Variants in MRPL4 observed in about 807,000 individuals in gnomAD.
MRPL4 encodes mitochondrial ribosomal protein L4.
MRPL4 carries 34 observed loss-of-function variants against 34.1 expected under a neutral mutation model. The observed-to-expected ratio is 1.00, with a 90% CI of 0.76 to 1.33. The LOEUF is 1.33. Among genes scored for constraint, MRPL4 ranks in the 40% most tolerant of loss-of-function variants. The pLI, the probability that MRPL4 is intolerant of heterozygous loss-of-function variation, is 0.00. For missense variants in MRPL4, 402 were observed against 434.6 expected (o/e 0.92, Z 0.67); for synonymous variants, 196 against 188.3 (o/e 1.04, Z -0.33).
chr19:10,254,478 G>T (rs1308351217), intron 3 of MRPL4, 111 bp from the exon 4 acceptor site: 2 of 1,260,648 alleles, frequency 1.6e-6, no homozygotes, highest in African/African-American at 3.0e-5. Context: ...AGGGGCAGAG[G>T]CAAATCGCCC....
At chr19:10,252,210 C>A, upstream of MRPL4, 3 of 1,547,408 alleles carry the variant, frequency 1.9e-6, no homozygotes, top group Non-Finnish European at 2.6e-6. Flanking sequence ...CCTCGCGAGG[C>A]TCCAGTGGCC....
rs2145471745 is a variant in MRPL4 at position 10,256,966 on chromosome 19, G to A, written c.445+141G>A. ...TCCACCTCATGGAACCACCTGGGCT[G>A]GTGACATCGGAACTGAGGCCCTTGG... On this transcript the variant is annotated intron_variant, in intron 5 of 8. Coordinates refer to ENST00000253099, the MANE Select transcript of MRPL4 (RefSeq NM_015956.3). 5 of 650,626 alleles carry A rather than the reference G, an allele frequency of 7.7e-6. No individual in the cohort carries two copies. The South Asian group carries it at 9.8e-5, about 13-fold the overall frequency. 40.3% of individuals were successfully genotyped at this position (650,626 alleles called of 1,614,324 possible).
intron 4 of MRPL4, 78 bp from the exon 5 acceptor site, chr19:10,256,630 C>T: frequency 8.2e-7 from 1 of 1,218,650 alleles, no homozygotes; most frequent in Non-Finnish European, 1.2e-6. Context: ...TGTCTGACTT[C>T]CCCGTGGCAG....
Position 10,257,814 on chromosome 19 carries a change from G to A in MRPL4, c.446-408G>A, listed in dbSNP as rs540950258. On this transcript the variant is annotated intron_variant, in intron 5 of 8. Coordinates refer to ENST00000253099, the MANE Select transcript of MRPL4 (RefSeq NM_015956.3). ...ACCATAACTCATGGTGTCCTATGGG[G>A]CAGGAACTGTCCGATCTCAAGGTGG... Among the ~76,000 whole-genome samples, 23 of 152,084 alleles carry A rather than the reference G, an allele frequency of 1.5e-4. 1 individual carries two copies. The South Asian group carries it at 1.7e-3, about 11-fold the overall frequency.
In MRPL4 at chr19:10,252,596, C is replaced by T. The variant is rs141266080; in HGVS notation, c.170C>T (p.Thr57Ile). Residue 57 changes from threonine to isoleucine, a missense_variant, in exon 3 of 9, where the codon ACT (threonine) becomes ATT (isoleucine). Coordinates refer to ENST00000253099, the MANE Select transcript of MRPL4 (RefSeq NM_015956.3). ...CGCAAAGTCGAGCTCCCGGTACCCA[C>T]TCATCGACGCCCAGTGCAGGCCTGG... ...VLRKVELPVP[T>I]HRRPVQAWVE... 6.2e-7 allele frequency: 1 copy of T among 1,612,968 alleles called. No individual in the cohort carries two copies. The highest frequency in any genetic ancestry group is 8.5e-7 in the Non-Finnish European group (1 of 1,179,848).
intron 3 of MRPL4, among the ~76,000 whole-genome samples, chr19:10,253,412 G>A (rs1475687514): frequency 1.4e-5 from 2 of 147,708 alleles, no homozygotes; most frequent in Non-Finnish European, 3.0e-5. Flanking sequence ...CCGGGAGGCG[G>A]AGCTTGCAGT....
At chr19:10,259,251 G>A (rs920326510) in intron 8 of MRPL4, 5 of 1,333,296 alleles carry the variant, frequency 3.8e-6, no homozygotes, top group Admixed American at 3.7e-5. Context: ...CCTCTCTCAG[G>A]ATGAAAGCCC....
At chr19:10,254,205 G>T (rs539596697) in intron 3 of MRPL4, among the ~76,000 whole-genome samples, 66 of 152,244 alleles carry the variant, frequency 4.3e-4, no homozygotes, top group African/African-American at 1.5e-3. Context: ...ATTTTGGAGA[G>T]ACATCACTTT....
chr19:10,259,760 C>A lies in MRPL4; in HGVS notation c.883C>A (p.Arg295=), dbSNP rs760307103. Residue 295 remains arginine, a synonymous_variant, in exon 9 of 9, where the codon CGA becomes AGA. Transcript: ENST00000253099. Reference sequence around the variant, plus strand: ...CAGCCTGCCCTACAGCGACTTCCCCCGACCCCTACCCCACGCTACCCAGGG... The same window carrying A: ...CAGCCTGCCCTACAGCGACTTCCCCAGACCCCTACCCCACGCTACCCAGGG... The part of the protein sequence containing the change: ...PFSLPYSDFP[R]PLPHATQGPA... 1.2e-6 allele frequency: 2 copies of A among 1,614,044 alleles called. No individual in the cohort carries two copies. The highest frequency in any genetic ancestry group is 1.7e-6 in the Non-Finnish European group (2 of 1,179,948).
In MRPL4 at chr19:10,252,222, T is replaced by A; in HGVS notation, c.-32T>A. 1 of 1,576,700 alleles carries A rather than the reference T, an allele frequency of 6.3e-7. No individual in the cohort carries two copies. The highest frequency in any genetic ancestry group is 8.6e-7 in the Non-Finnish European group (1 of 1,164,426). ...GCGCCTCGCGAGGCTCCAGTGGCCT[T>A]GACCTCCCGCGGCGTGGGAGGCTGC... On this transcript the variant is annotated 5_prime_UTR_variant, in exon 1 of 9. Coordinates refer to ENST00000253099, the MANE Select transcript of MRPL4 (RefSeq NM_015956.3).
chr19:10,257,173 A>ACCGCGG, intron 5 of MRPL4, among the ~76,000 whole-genome samples: 1 of 151,852 alleles, frequency 6.6e-6, no homozygotes, highest in Middle Eastern at 3.4e-3. Context: ...TGAACTCCGG[A>ACCGCGG]CCTCGGCCTT....
In MRPL4 at chr19:10,258,536, G is replaced by A. The variant is rs1479049875; in HGVS notation, c.662+14G>A. 1 of 1,614,128 alleles carries A rather than the reference G, an allele frequency of 6.2e-7. No individual in the cohort carries two copies. The highest frequency in any genetic ancestry group is 1.7e-5 in the Admixed American group (1 of 60,006). ...CCTCGTGGACTTGTGAGGGCACAGG[G>A]CAGAGCAGGGGCAGGGGGCCCTGAG... is the stretch of plus-strand genomic sequence containing the variant. On this transcript the variant is annotated intron_variant, in intron 7 of 8. Coordinates refer to ENST00000253099, the MANE Select transcript of MRPL4 (RefSeq NM_015956.3).
chr19:10,257,522 G>C (rs1353255422), intron 5 of MRPL4, among the ~76,000 whole-genome samples: 1 of 152,006 alleles, frequency 6.6e-6, no homozygotes, highest in East Asian at 1.9e-4. Flanking sequence ...TGCCCTGCCG[G>C]AATGTGAATG....
rs769981157 is a variant in MRPL4, at chr19:10,259,732, C to A, written c.855C>A (p.Pro285=). The A allele has an allele frequency of 6.2e-7, 1 of 1,614,050 alleles. No individual in the cohort carries two copies. Among genetic ancestry groups the A allele is most frequent in the Non-Finnish European group, 8.5e-7 (1 of 1,179,980 alleles). Residue 285 remains proline (P), a synonymous_variant, in exon 9 of 9, where the codon CCC becomes CCA. Coordinates refer to ENST00000253099, the MANE Select transcript of MRPL4 (RefSeq NM_015956.3). The part of the protein sequence containing the change: ...WQDSRYRPLY[P]FSLPYSDFPR... Reference sequence around the variant, plus strand: ...ACTCACGTTACAGACCCCTCTACCCCTTCAGCCTGCCCTACAGCGACTTCC... The same window carrying A: ...ACTCACGTTACAGACCCCTCTACCCATTCAGCCTGCCCTACAGCGACTTCC...
rs1223693483 is a variant in MRPL4, at chr19:10,252,588, G to A, written c.162G>A (p.Pro54=). The A allele has an allele frequency of 3.1e-6, 5 of 1,613,048 alleles. No individual in the cohort carries two copies. The African/African-American group carries it at 6.7e-5, about 22-fold the overall frequency. ...PEPVLRKVEL[P]VPTHRRPVQA... ...CCGTGCTGCGCAAAGTCGAGCTCCC[G>A]GTACCCACTCATCGACGCCCAGTGC... The change falls in exon 3 of 9, where the codon CCG becomes CCA. Residue 54 remains proline (P), a synonymous_variant. Transcript: ENST00000253099.
chr19:10,256,190 A>G (rs942218526), intron 4 of MRPL4, among the ~76,000 whole-genome samples: 6 of 151,968 alleles, frequency 3.9e-5, no homozygotes, highest in African/African-American at 1.5e-4. Context: ...GGAGGCTGAG[A>G]CAGGAGAATT....
rs745604142 is a variant in MRPL4 at position 10,258,281 on chromosome 19, G to A, written c.505G>A (p.Val169Met). The A allele has an allele frequency of 3.7e-6, 6 of 1,614,116 alleles. No individual in the cohort carries two copies. In the East Asian group the frequency reaches 1.3e-4, roughly 36 times the overall value. ...TSYYYMLPMK[V>M]RALGLKVALT... ...TTACTACTACATGCTGCCCATGAAG[G>A]TGCGGGCGCTGGGTCTCAAAGTGGC... The change falls in exon 6 of 9, where the codon GTG becomes ATG. Residue 169 changes from valine to methionine, a missense_variant. Val to Met is a conservative substitution (Grantham distance 21). Coordinates refer to ENST00000253099, the MANE Select transcript of MRPL4 (RefSeq NM_015956.3).
At chr19:10,252,907 G>A (rs1412847622) in intron 3 of MRPL4, 2 of 726,750 alleles carry the variant, frequency 2.8e-6, no homozygotes, top group Admixed American at 3.1e-5. Context: ...ATCATCTAAG[G>A]GTTAGGGAGA....
In MRPL4 at chr19:10,256,827, T is replaced by C; in HGVS notation, c.445+2T>C. ...TCCGCTCTCCGCTCTGGCGAGGAGG[T>C]AACAGGACAGGGTGGAGGGGGCGGG... On this transcript the variant is annotated splice_donor_variant, in intron 5 of 8. Transcript: ENST00000253099. LOFTEE classifies it high-confidence loss of function. The C allele has an allele frequency of 2.2e-6, 1 of 463,270 alleles. No individual in the cohort carries two copies. The highest frequency in any genetic ancestry group is 3.5e-5 in the African/African-American group (1 of 28,392). The allele number at this position is 463,270 out of a possible 1,614,324, so 28.7% of individuals were successfully genotyped here.
Sources: gnomAD v4.1 joint callset for allele counts (sites outside exome capture counted in the v4.1 genomes callset) on GRCh38, gnomAD v4.1.1 for gene constraint, MANE v1.5 for transcripts, NCBI Gene and HGNC (gene_info 2026-07-23, HGNC 2026-07-21) for gene names.